PCDHGB3: variants seen among roughly 807,000 people sequenced by gnomAD.
The protein encoded by PCDHGB3 is protocadherin gamma subfamily B, 3.
Under a neutral mutation model 59.2 loss-of-function variants are expected in PCDHGB3, and 40 were observed. The observed-to-expected ratio is 0.68, with a 90% CI of 0.52 to 0.88. The LOEUF is 0.88. PCDHGB3 is among the 40% of genes least tolerant of loss of function. PCDHGB3 has a pLI of 0.00. For missense variants in PCDHGB3, 1,309 were observed against 1,187.9 expected (o/e 1.10, Z -1.50); for synonymous variants, 581 against 503.6 (o/e 1.15, Z -2.06).
At chr5:141,419,311 C>G (rs745852942) in intron 1 of PCDHGB3, 1 of 1,613,994 alleles carries the variant, frequency 6.2e-7, no homozygotes, top group Non-Finnish European at 8.5e-7. Flanking sequence ...TCGGGCTCAA[C>G]GGCCGTGTCT....
rs573785314 is a variant in PCDHGB3 at position 141,435,382 on chromosome 5, C to T, written c.2416-59425C>T. 2.0e-5 allele frequency among the ~76,000 whole-genome samples: 3 copies of T among 152,034 alleles called. No homozygotes were observed. In the East Asian group the frequency reaches 5.8e-4, roughly 29 times the overall value. ...TTTATCACTTAAATATACAATATAC[C>T]GTATTGCCATGACGAAAAATGGTAA... On this transcript the variant is annotated intron_variant, in intron 1 of 3. Transcript: ENST00000576222.
intron 2 of PCDHGB3, among the ~76,000 whole-genome samples, chr5:141,500,739 C>T (rs1199462920): frequency 6.6e-6 from 1 of 152,114 alleles, no homozygotes; most frequent in Non-Finnish European, 1.5e-5. Context: ...CAAAATTCTT[C>T]CCAAGTCATT....
intron 1 of PCDHGB3, chr5:141,399,174 T>G: frequency 1.2e-6 from 2 of 1,613,818 alleles, no homozygotes; most frequent in Non-Finnish European, 1.7e-6. Context: ...ATTCTCTACT[T>G]GAAATGATTC....
At chr5:141,414,773 A>G in intron 1 of PCDHGB3, 1 of 1,614,204 alleles carries the variant, frequency 6.2e-7, no homozygotes, top group Non-Finnish European at 8.5e-7. Flanking sequence ...CATGAGCTAC[A>G]GATGCAGGTG....
At chr5:141,417,874 C>G in intron 1 of PCDHGB3, 9 of 1,555,320 alleles carry the variant, frequency 5.8e-6, no homozygotes, top group Non-Finnish European at 7.8e-6. Context: ...GAGGGAGCTG[C>G]GCGCAGAGGC....
intron 1 of PCDHGB3, chr5:141,388,238 C>G (rs546808390): frequency 3.7e-6 from 6 of 1,607,696 alleles, no homozygotes; most frequent in Non-Finnish European, 5.1e-6. Context: ...ACTTTTATCA[C>G]GTGAATGTGG....
Position 141,386,987 on chromosome 5 carries a change from A to G in PCDHGB3, c.2415+14178A>G, listed in dbSNP as rs147872708. 4.1e-3 allele frequency among the ~76,000 whole-genome samples: 628 copies of G among 152,308 alleles called. 4 individuals carry two copies. The highest frequency in any genetic ancestry group is 3.9e-3 in the Non-Finnish European group (262 of 68,032). ...CTCAGTGACTTTGTGTTTTGAGGCTATGTATTATCCCCCTGATAACTTTGA... is the reference window on the plus strand; with the variant it reads ...CTCAGTGACTTTGTGTTTTGAGGCTGTGTATTATCCCCCTGATAACTTTGA... On this transcript the variant is annotated intron_variant, in intron 1 of 3. Transcript: ENST00000576222.
intron 3 of PCDHGB3, among the ~76,000 whole-genome samples, chr5:141,508,646 G>A (rs1434098773): frequency 2.6e-5 from 4 of 152,014 alleles, no homozygotes; most frequent in African/African-American, 9.7e-5. Flanking sequence ...ACTCCGTCAG[G>A]CCCTTCCTGT....
chr5:141,426,960 A>G, intron 1 of PCDHGB3: 1 of 456,776 alleles, frequency 2.2e-6, no homozygotes, highest in South Asian at 1.5e-5. Context: ...CACTGCTGCA[A>G]TTCAAATTGA....
At chr5:141,381,743 C>T (rs9324849) in intron 1 of PCDHGB3, among the ~76,000 whole-genome samples, 4,143 of 151,894 alleles carry the variant, frequency 0.027, 183 homozygotes, top group African/African-American at 0.096. Flanking sequence ...ATTTGGATTC[C>T]GACATTGTTC....
chr5:141,471,196 C>T (rs59385734), intron 1 of PCDHGB3: 16,293 of 151,632 alleles, frequency 0.11, 894 homozygotes, highest in South Asian at 0.15. Context: ...ATTACAGGCA[C>T]CCACCCCCAT....
intron 1 of PCDHGB3, among the ~76,000 whole-genome samples, chr5:141,444,372 T>C (rs967151811): frequency 6.6e-6 from 1 of 151,998 alleles, no homozygotes. Context: ...GGTTTCTCCA[T>C]GTTGGTCAGG....
chr5:141,428,293 C>T, intron 1 of PCDHGB3: 1 of 716,436 alleles, frequency 1.4e-6, no homozygotes, highest in South Asian at 1.6e-5. Context: ...AGCAAAGCTG[C>T]AGATTTACCT....
intron 1 of PCDHGB3, chr5:141,418,683 CAG>C: frequency 6.2e-7 from 1 of 1,614,048 alleles, no homozygotes; most frequent in African/African-American, 1.3e-5. Flanking sequence ...GGCATCAACT[CAG>C]AGATCACTTA....
At chr5:141,413,065 T>A (rs2095601710) in intron 1 of PCDHGB3, 2 of 1,159,986 alleles carry the variant, frequency 1.7e-6, no homozygotes, top group African/African-American at 3.1e-5. Flanking sequence ...CTCCAGAATT[T>A]AAAGTGCCCA....
chr5:141,478,116 C>T (rs145816520), intron 1 of PCDHGB3: 1 of 1,613,974 alleles, frequency 6.2e-7, no homozygotes, highest in Non-Finnish European at 8.5e-7. Flanking sequence ...GTGTCAGTAA[C>T]CGAGGACTCT....
At chr5:141,420,223 G>A in intron 1 of PCDHGB3, 2 of 1,604,640 alleles carry the variant, frequency 1.2e-6, no homozygotes, top group Non-Finnish European at 1.7e-6. Context: ...GCATGCTACT[G>A]GCTAGCATTT....
In PCDHGB3 at chr5:141,504,261, A is replaced by AT. The variant is rs144925096; in HGVS notation, c.2475-1125dup. Among the ~76,000 whole-genome samples the AT allele has an allele frequency of 3.8e-3, 573 of 152,258 alleles. 3 individuals are homozygous for AT. The highest frequency in any genetic ancestry group is 0.012 in the African/African-American group (514 of 41,556). ...CAGAGAGTTCTTCTTATGGTTTAGT[A>AT]TTTTTTTAAATTATGAATCATTTCA... On this transcript the variant is annotated intron_variant, in intron 2 of 3. Transcript: ENST00000576222.
Position 141,384,659 on chromosome 5 carries a change from T to A in PCDHGB3, c.2415+11850T>A, listed in dbSNP as rs375759581. ...CCCCGCTCCGCAGAGCCCGGCTACC[T>A]GGTGACCAAGGTGGTGGCGGTGGAC... is the stretch of plus-strand genomic sequence containing the variant. On this transcript the variant is annotated intron_variant, in intron 1 of 3. Transcript: ENST00000576222. The A allele has an allele frequency of 3.1e-6, 5 of 1,614,076 alleles. No individual in the cohort carries two copies. In the African/African-American group the frequency reaches 6.7e-5, roughly 22 times the overall value.
Sources: allele counts gnomAD v4.1 joint callset (sites outside exome capture counted in the v4.1 genomes callset), GRCh38; gene constraint gnomAD v4.1.1; transcripts MANE v1.5; gene names NCBI Gene and HGNC (gene_info 2026-07-23, HGNC 2026-07-21).